PPARGC1A: variants seen among roughly 807,000 people sequenced by gnomAD.
PPARGC1A encodes PPARG coactivator 1 alpha.
A neutral mutation model predicts 88.7 loss-of-function variants in PPARGC1A; 25 were observed. That is an observed-to-expected ratio of 0.28 (90% CI 0.21 to 0.39). The LOEUF (loss-of-function observed/expected upper bound fraction) is 0.39. Among genes scored for constraint, PPARGC1A ranks in the 10% least tolerant of loss-of-function variants. The probability of loss-of-function intolerance (pLI) is 1.00; values close to 1 mark genes in which losing one functional copy is unlikely to be tolerated. For missense variants in PPARGC1A, 880 were observed against 968.7 expected (o/e 0.91, Z 1.22); for synonymous variants, 363 against 355.6 (o/e 1.02, Z -0.24).
intron 2 of PPARGC1A, among the ~76,000 whole-genome samples, chr4:23,861,710 A>G (rs541607748): frequency 6.6e-6 from 1 of 152,332 alleles, no homozygotes; most frequent in Admixed American, 6.5e-5. Context: ...AAAAATGCAT[A>G]ACACAAATGC....
At chr4:24,240,376 G>C in the PPARGC1A span, among the ~76,000 whole-genome samples, 167 of 152,250 alleles carry the variant, frequency 1.1e-3, 1 homozygote, top group African/African-American at 3.6e-3. Context: ...GATAAGAAAA[G>C]GCACCAATAA....
chr4:24,330,891 T>G, the PPARGC1A span, among the ~76,000 whole-genome samples: 1 of 152,140 alleles, frequency 6.6e-6, no homozygotes, highest in Non-Finnish European at 1.5e-5. Flanking sequence ...TCTCTACTGC[T>G]GTTGTGCCTC....
At chr4:24,455,458 C>T in the PPARGC1A span, among the ~76,000 whole-genome samples, 1 of 152,150 alleles carries the variant, frequency 6.6e-6, no homozygotes, top group African/African-American at 2.4e-5. Flanking sequence ...CCAGCCTGGA[C>T]AACATAGCAA....
the PPARGC1A span, among the ~76,000 whole-genome samples, chr4:24,451,879 A>C: frequency 6.6e-6 from 1 of 152,070 alleles, no homozygotes; most frequent in Non-Finnish European, 1.5e-5. Context: ...CCCGGCTGTG[A>C]TGGTTAATTT....
the PPARGC1A span, among the ~76,000 whole-genome samples, chr4:24,224,523 C>A: frequency 2.0e-5 from 3 of 152,156 alleles, no homozygotes; most frequent in African/African-American, 7.2e-5. Context: ...TATGCTCAGT[C>A]ATTTTTTCAA....
the PPARGC1A span, among the ~76,000 whole-genome samples, chr4:24,199,579 T>C: frequency 6.6e-6 from 1 of 152,078 alleles, no homozygotes; most frequent in Non-Finnish European, 1.5e-5. Context: ...GCTTTAGCAA[T>C]GGTAAGATGG....
chr4:24,280,692 T>C, the PPARGC1A span, among the ~76,000 whole-genome samples: 598 of 152,352 alleles, frequency 3.9e-3, 5 homozygotes, highest in African/African-American at 0.013. Flanking sequence ...TTGCAGTCAA[T>C]TTTTTTAGTG....
the PPARGC1A span, among the ~76,000 whole-genome samples, chr4:24,360,108 A>G: frequency 6.6e-6 from 1 of 151,920 alleles, no homozygotes; most frequent in Non-Finnish European, 1.5e-5. Context: ...AGAATCTCAC[A>G]ACTTCTCACC....
the PPARGC1A span, among the ~76,000 whole-genome samples, chr4:24,080,053 T>C: frequency 6.6e-6 from 1 of 152,074 alleles, no homozygotes; most frequent in African/African-American, 2.4e-5. Context: ...AGATGAACTC[T>C]AGAATATTTG....
At chr4:24,416,825 G>A in the PPARGC1A span, among the ~76,000 whole-genome samples, 1 of 152,276 alleles carries the variant, frequency 6.6e-6, no homozygotes, top group African/African-American at 2.4e-5. Context: ...GAGGTGAGGA[G>A]TTTGAGACCA....
chr4:23,844,557 CATA>C (rs1162977738), intron 2 of PPARGC1A, among the ~76,000 whole-genome samples: 1 of 110,510 alleles, frequency 9.0e-6, no homozygotes, highest in Non-Finnish European at 1.7e-5. Context: ...TATATTATCA[CATA>C]ATTATATTGT....
At chr4:24,183,672 CT>C in the PPARGC1A span, among the ~76,000 whole-genome samples, 1 of 152,164 alleles carries the variant, frequency 6.6e-6, no homozygotes, top group African/African-American at 2.4e-5. Flanking sequence ...ATCATGTGCA[CT>C]GGTTTCCCTT....
At position 23,794,283 on chromosome 4, in the gene PPARGC1A, A is replaced by C. The variant is rs567708810; in HGVS notation, c.*1539T>G. On this transcript the variant is annotated 3_prime_UTR_variant, in exon 13 of 13. Coordinates refer to ENST00000264867, the MANE Select transcript of PPARGC1A (RefSeq NM_013261.5). The stretch of plus-strand genomic sequence containing the variant: ...GAGAGACTTTACATAAAATCATGAT[A>C]TCTTCTAGAAAAATTTTAGATGAGA... 1 of 152,750 alleles carries C rather than the reference A, an allele frequency of 6.5e-6. No homozygotes were observed. Among genetic ancestry groups the C allele is most frequent in the South Asian group, 2.1e-4 (1 of 4,830 alleles). The allele number at this position is 152,750 out of a possible 1,614,324, so 9.5% of individuals were successfully genotyped here. A position where few individuals can be genotyped will look rare whatever the true frequency, so the allele number is the denominator to read the frequency against.
chr4:23,968,509 C>T, the PPARGC1A span, among the ~76,000 whole-genome samples: 1 of 152,084 alleles, frequency 6.6e-6, no homozygotes, highest in Non-Finnish European at 1.5e-5. Flanking sequence ...CTTTAGTTTC[C>T]CATTCATTCT....
chr4:23,987,269 C>T, the PPARGC1A span, among the ~76,000 whole-genome samples: 1 of 152,032 alleles, frequency 6.6e-6, no homozygotes, highest in Non-Finnish European at 1.5e-5. Context: ...AGAGGAATCC[C>T]TCTGCACCTG....
At chr4:24,472,672 C>T in the PPARGC1A span, among the ~76,000 whole-genome samples, 1 of 151,822 alleles carries the variant, frequency 6.6e-6, no homozygotes, top group Admixed American at 6.6e-5. This position sits in a 1 kb window ranked among gnomAD's most constrained non-coding sequence, Gnocchi z 4.5. Context: ...CTGCCGCCGC[C>T]GCCGCCGCCG....
intron 7 of PPARGC1A, chr4:23,820,441 T>G (rs932901788): frequency 1.4e-5 from 3 of 217,706 alleles, no homozygotes; most frequent in Non-Finnish European, 1.9e-5. Flanking sequence ...CTACCCAAAT[T>G]CCTTCGTGTC....
chr4:24,328,909 C>T, the PPARGC1A span, among the ~76,000 whole-genome samples: 2 of 152,192 alleles, frequency 1.3e-5, no homozygotes, highest in Non-Finnish European at 2.9e-5. Context: ...CGGAACCAAA[C>T]TTGTATCAGT....
At chr4:23,895,513 G>T (rs1718449301) in intron 1 of PPARGC1A, among the ~76,000 whole-genome samples, 1 of 151,934 alleles carries the variant, frequency 6.6e-6, no homozygotes, top group African/African-American at 2.4e-5. Context: ...CTCATCTTAA[G>T]AAGCAATTAG....
Sources: allele counts gnomAD v4.1 joint callset (sites outside exome capture counted in the v4.1 genomes callset), GRCh38; gene constraint gnomAD v4.1.1; non-coding constraint Gnocchi (gnomAD v3.1); transcripts MANE v1.5; gene names NCBI Gene and HGNC (gene_info 2026-07-23, HGNC 2026-07-21).